The following RYR3 variants were observed in gnomAD, a reference collection of about 807,000 sequenced individuals.
The protein encoded by RYR3 is brain ryanodine receptor-calcium release channel.
In RYR3, 207 loss-of-function variants were observed where a neutral mutation model predicts 584.3. The ratio of observed to expected loss-of-function variants is 0.35; its 90% confidence interval spans 0.32 to 0.40. The LOEUF (loss-of-function observed/expected upper bound fraction) is 0.40, where lower values mean the gene tolerates loss of function less well. Ranked by LOEUF, RYR3 falls within the 10% of genes least tolerant of loss-of-function variation. The probability of loss-of-function intolerance (pLI) is 1.00; values close to 1 mark genes in which losing one functional copy is unlikely to be tolerated. For synonymous variants in RYR3, 2,416 were observed against 2,248.5 expected (o/e 1.07, Z -2.11); for missense variants, 5,616 against 6,089.2 (o/e 0.92, Z 2.59).
intron 1 of RYR3, among the ~76,000 whole-genome samples, chr15:33,448,876 G>A (rs903210186): frequency 5.3e-5 from 8 of 152,042 alleles, no homozygotes; most frequent in South Asian, 2.1e-4. Context: ...AAGTGGCTGC[G>A]GCTGCCTGGA....
intron 1 of RYR3, among the ~76,000 whole-genome samples, chr15:33,350,652 G>C (rs1302579033): frequency 6.6e-6 from 1 of 151,918 alleles, no homozygotes; most frequent in East Asian, 1.9e-4. Context: ...ACCTGCTCCT[G>C]AATGACTACT....
chr15:33,350,358 G>T (rs1973076878), intron 1 of RYR3, among the ~76,000 whole-genome samples: 1 of 152,048 alleles, frequency 6.6e-6, no homozygotes. Flanking sequence ...CAATGAGACA[G>T]AAAGTCAACA....
chr15:33,642,943 G>T (rs1241647549), intron 27 of RYR3, among the ~76,000 whole-genome samples: 1 of 152,232 alleles, frequency 6.6e-6, no homozygotes, highest in Non-Finnish European at 1.5e-5. Flanking sequence ...TGTATCCTAA[G>T]TGAGTTTATA....
chr15:33,566,647 C>T, intron 11 of RYR3, 31 bp from the exon 12 acceptor site: 1 of 1,612,394 alleles, frequency 6.2e-7, no homozygotes, highest in East Asian at 2.2e-5. Flanking sequence ...TAATTGTAAC[C>T]TAGAGCTCCC....
At chr15:33,753,876 C>A (rs935306755) in intron 57 of RYR3, among the ~76,000 whole-genome samples, 1 of 151,952 alleles carries the variant, frequency 6.6e-6, no homozygotes, top group Admixed American at 6.6e-5. Context: ...GAAAAATTCC[C>A]GTTTACTGTA....
chr15:33,493,106 T>C lies in RYR3; in HGVS notation c.172-10525T>C, dbSNP rs145602108. ...AAAATTTGAGACAAAAACCTGAACA[T>C]TAGCTCGAGACTTAGACCTTCCTTC... On this transcript the variant is annotated intron_variant, in intron 2 of 103. Transcript: ENST00000634891. Among the ~76,000 whole-genome samples, 449 of 152,174 alleles carry C rather than the reference T, an allele frequency of 3.0e-3. 6 individuals carry two copies. The highest frequency in any genetic ancestry group is 0.01 in the African/African-American group (427 of 41,504).
intron 83 of RYR3, 85 bp downstream of exon 83, chr15:33,826,354 A>G: frequency 7.3e-7 from 1 of 1,377,736 alleles, no homozygotes. Context: ...GAAACATTTT[A>G]GGCTTGGTAG....
At chr15:33,792,480 T>A (rs1015957943) in intron 67 of RYR3, among the ~76,000 whole-genome samples, 1 of 152,146 alleles carries the variant, frequency 6.6e-6, no homozygotes, top group Non-Finnish European at 1.5e-5. Context: ...CCTGGGGTGG[T>A]GGCCATATGC....
At chr15:33,629,393 A>G (rs112695256) in intron 21 of RYR3, among the ~76,000 whole-genome samples, 75 of 152,380 alleles carry the variant, frequency 4.9e-4, no homozygotes, top group African/African-American at 1.8e-3. Flanking sequence ...AAAGTAAAAT[A>G]TCTCATAAAT....
chr15:33,800,206 A>G (rs72715178), intron 67 of RYR3, among the ~76,000 whole-genome samples: 2,294 of 152,322 alleles, frequency 0.015, 30 homozygotes, highest in Non-Finnish European at 0.025. Context: ...ATCTCTGCTT[A>G]TACACTTCAA....
At chr15:33,685,534 G>A (rs565179469) in intron 38 of RYR3, among the ~76,000 whole-genome samples, 36 of 152,060 alleles carry the variant, frequency 2.4e-4, no homozygotes, top group African/African-American at 7.7e-4. Context: ...TTAGATCAAC[G>A]AGACAGAAAG....
At chr15:33,836,807 C>A in intron 87 of RYR3, 99 bp from the exon 88 acceptor site, 2 of 850,194 alleles carry the variant, frequency 2.4e-6, no homozygotes, top group Non-Finnish European at 3.8e-6. Context: ...ACTGATGCAG[C>A]CTGCACCTAA....
At position 33,562,902 on chromosome 15, in the gene RYR3, C is replaced by T; in HGVS notation, c.1038C>T (p.Ile346=). The change falls in exon 11 of 104, where the codon ATC becomes ATT. Residue 346 remains isoleucine, a synonymous_variant. Coordinates refer to ENST00000634891, the MANE Select transcript of RYR3 (RefSeq NM_001036.6). ...TAGAAGGCATGGGAGTTCCAGAAAT[C>T]AAGTATGGAGATTCTGTCTGCTTTG... ...RDIEGMGVPE[I]KYGDSVCFVQ... is the part of the protein sequence containing the mutation. 1.2e-6 allele frequency: 2 copies of T among 1,613,440 alleles called. No homozygotes were observed. The highest frequency in any genetic ancestry group is 1.7e-6 in the Non-Finnish European group (2 of 1,179,438).
chr15:33,593,807 CATA>C (rs1342725962), intron 16 of RYR3, among the ~76,000 whole-genome samples: 7 of 152,186 alleles, frequency 4.6e-5, no homozygotes, highest in Admixed American at 3.3e-4. Context: ...CTACTTGAAA[CATA>C]ATTTTTCTCT....
At chr15:33,570,202 T>G (rs556714615) in intron 12 of RYR3, among the ~76,000 whole-genome samples, 10 of 152,176 alleles carry the variant, frequency 6.6e-5, no homozygotes, top group Non-Finnish European at 1.2e-4. Flanking sequence ...GTTTCAAAAT[T>G]TTAGCGTTTA....
Position 33,780,084 on chromosome 15 carries a change from A to G in RYR3, c.9138-127A>G, listed in dbSNP as rs552069920. 7.0e-4 allele frequency: 734 copies of G among 1,043,848 alleles called. 7 individuals are homozygous for G. The highest frequency in any genetic ancestry group is 1.6e-3 in the Middle Eastern group (5 of 3,160). The allele number at this position is 1,043,848 out of a possible 1,614,324, so 64.7% of individuals were successfully genotyped here. The stretch of plus-strand genomic sequence containing the variant: ...AGAGAAAGAGGAGGGGAAGAAGTGC[A>G]TGCAAGCTTGCTGAGCCTAGTGCCT... On this transcript the variant is annotated intron_variant, in intron 64 of 103. Transcript: ENST00000634891.
chr15:33,745,173 C>T (rs1393914747), intron 52 of RYR3, among the ~76,000 whole-genome samples: 2 of 152,072 alleles, frequency 1.3e-5, no homozygotes, highest in African/African-American at 2.4e-5. Flanking sequence ...GGAAAGTGAG[C>T]ATAAGCTGGG....
intron 37 of RYR3, among the ~76,000 whole-genome samples, chr15:33,669,689 T>C (rs917615352): frequency 2.0e-5 from 3 of 152,092 alleles, no homozygotes; most frequent in Admixed American, 6.6e-5. Context: ...TGCTGAGATA[T>C]AGAGAGGAAA....
At chr15:33,489,150 T>C in intron 2 of RYR3, among the ~76,000 whole-genome samples, 1 of 152,250 alleles carries the variant, frequency 6.6e-6, no homozygotes, top group East Asian at 1.9e-4. Flanking sequence ...AGGAAATGCC[T>C]ACAATTTTTT....
Sources: gnomAD v4.1 joint callset for allele counts (sites outside exome capture counted in the v4.1 genomes callset) on GRCh38, gnomAD v4.1.1 for gene constraint, MANE v1.5 for transcripts, NCBI Gene and HGNC (gene_info 2026-07-23, HGNC 2026-07-21) for gene names.